NUBPL: variants seen among roughly 807,000 people sequenced by gnomAD.
The protein encoded by NUBPL is NUBP iron-sulfur cluster assembly factor, mitochondrial, also known as iron-sulfur cluster transfer protein NUBPL.
A neutral mutation model predicts 45.7 loss-of-function variants in NUBPL; 31 were observed. The observed-to-expected ratio is 0.68, with a 90% CI of 0.51 to 0.92. The LOEUF (loss-of-function observed/expected upper bound fraction) is 0.92, where lower values mean the gene tolerates loss of function less well. NUBPL is among the 40% of genes least tolerant of loss of function. The probability of loss-of-function intolerance (pLI) is 0.00; values close to 1 mark genes in which losing one functional copy is unlikely to be tolerated. For synonymous variants in NUBPL, 144 were observed against 140.9 expected (o/e 1.02, Z -0.15); for missense variants, 401 against 398.7 (o/e 1.01, Z -0.05).
chr14:31,834,055 G>A (rs929772088), intron 8 of NUBPL, among the ~76,000 whole-genome samples: 1 of 151,614 alleles, frequency 6.6e-6, no homozygotes, highest in South Asian at 2.1e-4. Context: ...TCTGAAAATT[G>A]TATAACTATT....
intron 9 of NUBPL, among the ~76,000 whole-genome samples, chr14:31,846,961 AAAC>A (rs985584652): frequency 1.3e-4 from 20 of 150,218 alleles, no homozygotes; most frequent in Non-Finnish European, 1.5e-4. Flanking sequence ...ATCAAAAAAA[AAAC>A]AAAAAACAAA....
chr14:31,591,889 A>G lies in NUBPL; in HGVS notation c.292-7400A>G, dbSNP rs114636048. Among the ~76,000 whole-genome samples, 608 of 152,266 alleles carry G rather than the reference A, an allele frequency of 4.0e-3. 2 individuals are homozygous for G. Among genetic ancestry groups the G allele is most frequent in the African/African-American group, 0.014 (579 of 41,558 alleles). On this transcript the variant is annotated intron_variant, in intron 3 of 10. Coordinates refer to ENST00000281081, the MANE Select transcript of NUBPL (RefSeq NM_025152.3). ...TATTTACTTACCCATTTATTCAACA[A>G]ATATTGAGTTTTTACTGTTCAGAAT...
At chr14:31,688,652 G>GTTTTTTTTT (rs552419842) in intron 6 of NUBPL, among the ~76,000 whole-genome samples, 24 of 99,114 alleles carry the variant, frequency 2.4e-4, no homozygotes, top group African/African-American at 8.9e-4. Flanking sequence ...ACAGGTTTTT[G>GTTTTTTTTT]TTGTTGTTTT....
At chr14:31,643,329 T>C (rs2035758313) in intron 4 of NUBPL, among the ~76,000 whole-genome samples, 1 of 152,174 alleles carries the variant, frequency 6.6e-6, no homozygotes, top group African/African-American at 2.4e-5. Context: ...GTTCCTTCCA[T>C]ACCCAGTTTG....
In NUBPL at chr14:31,561,433, C is replaced by A; in HGVS notation, c.-7C>A. On this transcript the variant is annotated 5_prime_UTR_variant, in exon 1 of 11. Coordinates refer to ENST00000281081, the MANE Select transcript of NUBPL (RefSeq NM_025152.3). ...TCCCAGCAGGGCTCACAGCAGCGTTCCGCGTCATGGGGATTTGGCAGCGTC... is the reference window on the plus strand; with the variant it reads ...TCCCAGCAGGGCTCACAGCAGCGTTACGCGTCATGGGGATTTGGCAGCGTC... The A allele has an allele frequency of 7.2e-7, 1 of 1,396,838 alleles. No homozygotes were observed. 86.5% of individuals were successfully genotyped at this position (1,396,838 alleles called of 1,614,324 possible). A position where few individuals can be genotyped will look rare whatever the true frequency, so the allele number is the denominator to read the frequency against.
intron 3 of NUBPL, among the ~76,000 whole-genome samples, chr14:31,593,585 C>T (rs2034206807): frequency 6.6e-6 from 1 of 151,096 alleles, no homozygotes; most frequent in Non-Finnish European, 1.5e-5. Flanking sequence ...AACCAATGCC[C>T]TGCAGATACC....
At position 31,662,486 on chromosome 14, in the gene NUBPL, A is replaced by G. The variant is rs2036296817; in HGVS notation, c.383-10869A>G. ...CCTTCCCTCTGCCCCCCACCCACCG[A>G]CAGGCCCTGGTATGTGATGTTTCCC... On this transcript the variant is annotated intron_variant, in intron 4 of 10. Coordinates refer to ENST00000281081, the MANE Select transcript of NUBPL (RefSeq NM_025152.3). Among the ~76,000 whole-genome samples, 8 of 151,956 alleles carry G rather than the reference A, an allele frequency of 5.3e-5. No individual in the cohort carries two copies. In the South Asian group the frequency reaches 1.7e-3, roughly 32 times the overall value.
chr14:31,617,671 A>G (rs1486777499), intron 4 of NUBPL, among the ~76,000 whole-genome samples: 2 of 152,136 alleles, frequency 1.3e-5, no homozygotes, highest in African/African-American at 4.8e-5. Flanking sequence ...TGCTGGATTC[A>G]GTTTGCCAGT....
intron 3 of NUBPL, among the ~76,000 whole-genome samples, chr14:31,590,586 T>G (rs1225466250): frequency 6.6e-6 from 1 of 152,246 alleles, no homozygotes; most frequent in Non-Finnish European, 1.5e-5. Context: ...TTCCCTTCAT[T>G]GCAGTTTAGT....
intron 6 of NUBPL, among the ~76,000 whole-genome samples, chr14:31,731,860 A>G (rs1566528977): frequency 6.6e-6 from 1 of 152,098 alleles, no homozygotes; most frequent in Non-Finnish European, 1.5e-5. Flanking sequence ...GGAAGGATGG[A>G]ATTTGGAATT....
At chr14:31,583,982 C>T (rs1483070919) in intron 3 of NUBPL, among the ~76,000 whole-genome samples, 1 of 152,038 alleles carries the variant, frequency 6.6e-6, no homozygotes, top group Admixed American at 6.6e-5. Context: ...ACAAAATTGC[C>T]CTTGCTTATG....
At position 31,562,094 on chromosome 14, in the gene NUBPL, A is replaced by T; in HGVS notation, c.135A>T (p.Leu45=). 6.2e-7 allele frequency: 1 copy of T among 1,609,080 alleles called. No homozygotes were observed. The highest frequency in any genetic ancestry group is 8.5e-7 in the Non-Finnish European group (1 of 1,177,094). The part of the protein sequence containing the change: ...RQLSGAGSET[L]KQRRTQIMSR... Reference sequence around the variant, plus strand: ...TGTCTGGCGCCGGGAGTGAGACCCTAAAACAAAGAAGAACACAAATCATGT... The same window carrying T: ...TGTCTGGCGCCGGGAGTGAGACCCTTAAACAAAGAAGAACACAAATCATGT... The change falls in exon 2 of 11, where the codon CTA becomes CTT. Residue 45 remains leucine (L), a synonymous_variant. Transcript: ENST00000281081.
At position 31,636,782 on chromosome 14, in the gene NUBPL, T is replaced by G. The variant is rs549294535; in HGVS notation, c.383-36573T>G. Among the ~76,000 whole-genome samples, 781 of 152,348 alleles carry G rather than the reference T, an allele frequency of 5.1e-3. 4 individuals carry two copies. The highest frequency in any genetic ancestry group is 0.018 in the African/African-American group (731 of 41,578). On this transcript the variant is annotated intron_variant, in intron 4 of 10. Transcript: ENST00000281081. ...ACAATTTCAGAGCCTGTTATTGGTCTATTCAGAGATTCAACTTCTTCCTGG... is the reference window on the plus strand; with the variant it reads ...ACAATTTCAGAGCCTGTTATTGGTCGATTCAGAGATTCAACTTCTTCCTGG...
intron 10 of NUBPL, 50 bp from the exon 11 acceptor site, chr14:31,859,068 C>A: frequency 1.3e-6 from 2 of 1,525,058 alleles, no homozygotes; most frequent in South Asian, 2.3e-5. Flanking sequence ...ATGAGTCATT[C>A]AATGTCTGCT....
At chr14:31,818,145 A>G (rs2039953792) in intron 7 of NUBPL, among the ~76,000 whole-genome samples, 1 of 152,188 alleles carries the variant, frequency 6.6e-6, no homozygotes, top group African/African-American at 2.4e-5. Context: ...TGCACCCAAT[A>G]AAGGAGCACC....
intron 6 of NUBPL, among the ~76,000 whole-genome samples, chr14:31,711,045 T>G (rs2037559064): frequency 6.6e-6 from 1 of 152,152 alleles, no homozygotes; most frequent in South Asian, 2.1e-4. Context: ...TGAGGGGAAG[T>G]TTGTCTGACA....
chr14:31,655,850 A>T (rs78282617), intron 4 of NUBPL, among the ~76,000 whole-genome samples: 4 of 152,180 alleles, frequency 2.6e-5, no homozygotes, highest in Admixed American at 2.6e-4. Context: ...ATTGGATTCA[A>T]CTTAAAGTTA....
intron 4 of NUBPL, among the ~76,000 whole-genome samples, chr14:31,636,562 G>A (rs1168908354): frequency 6.6e-6 from 1 of 152,012 alleles, no homozygotes; most frequent in African/African-American, 2.4e-5. Flanking sequence ...TTTTTTGGTT[G>A]TGTCTCTGCC....
intron 4 of NUBPL, among the ~76,000 whole-genome samples, chr14:31,662,728 G>A (rs1191989808): frequency 6.6e-6 from 1 of 152,106 alleles, no homozygotes; most frequent in Non-Finnish European, 1.5e-5. Flanking sequence ...ATTTGGGTTG[G>A]TTCCAAGTCT....
Sources: allele counts gnomAD v4.1 joint callset (sites outside exome capture counted in the v4.1 genomes callset), GRCh38; gene constraint gnomAD v4.1.1; transcripts MANE v1.5; gene names NCBI Gene and HGNC (gene_info 2026-07-23, HGNC 2026-07-21).